Variants in MERTK observed in about 807,000 individuals in gnomAD.
MERTK encodes tyrosine-protein kinase Mer.
MERTK carries 69 observed loss-of-function variants against 99.3 expected under a neutral mutation model. That is an observed-to-expected ratio of 0.70 (90% CI 0.57 to 0.85). MERTK has a LOEUF of 0.85. MERTK is among the 40% of genes least tolerant of loss of function. The pLI is 0.00. For missense variants in MERTK, 1,125 were observed against 1,249.4 expected (o/e 0.90, Z 1.50); for synonymous variants, 426 against 467.6 (o/e 0.91, Z 1.15).
chr2:112,003,879 A>G, intron 12 of MERTK, 25 bp from the exon 13 acceptor site: 1 of 1,580,818 alleles, frequency 6.3e-7, no homozygotes, highest in Non-Finnish European at 8.7e-7. Flanking sequence ...CACAGTGTCC[A>G]TACAGGTGTT....
At chr2:111,968,953 G>A (rs1196811575) in intron 6 of MERTK, among the ~76,000 whole-genome samples, 6 of 152,218 alleles carry the variant, frequency 3.9e-5, no homozygotes, top group Non-Finnish European at 8.8e-5. Flanking sequence ...GAAGGGCCAG[G>A]ACAAGATAGG....
chr2:111,968,337 G>A (rs1031966299), intron 6 of MERTK, 85 bp downstream of exon 6: 5 of 1,088,108 alleles, frequency 4.6e-6, no homozygotes, highest in Non-Finnish European at 7.0e-6. Context: ...GGATGGGCAT[G>A]GAGGGCATTT....
At chr2:111,903,319 A>G (rs752880238) in intron 1 of MERTK, among the ~76,000 whole-genome samples, 6 of 152,126 alleles carry the variant, frequency 3.9e-5, no homozygotes, top group Admixed American at 3.3e-4. Flanking sequence ...ATGCCCTCAC[A>G]TTCGGGGCTT....
In MERTK at chr2:112,029,393, TGAAA is replaced by T; in HGVS notation, c.*532_*535del. The T allele has an allele frequency of 1.1e-6, 1 of 919,946 alleles. No individual in the cohort carries two copies. 57.0% of individuals were successfully genotyped at this position (919,946 alleles called of 1,614,324 possible). ...GGATATGTTGAACTTACTTGAGACT[TGAAA>T]GACAGTGGTCGGCAGCGGCCTTGTG... is the stretch of plus-strand genomic sequence containing the variant. On this transcript the variant is annotated 3_prime_UTR_variant, in exon 19 of 19. Transcript: ENST00000295408.
chr2:112,019,759 ACT>A (rs2104421997), intron 16 of MERTK, among the ~76,000 whole-genome samples: 1 of 151,720 alleles, frequency 6.6e-6, no homozygotes, highest in South Asian at 2.1e-4. Context: ...TTTTACCTTC[ACT>A]CTCTCACTCG....
chr2:111,969,227 C>T (rs968141970), intron 6 of MERTK, among the ~76,000 whole-genome samples: 2 of 152,158 alleles, frequency 1.3e-5, no homozygotes, highest in Non-Finnish European at 2.9e-5. Context: ...ACTTAACACA[C>T]GCTGCACTGC....
intron 1 of MERTK, among the ~76,000 whole-genome samples, chr2:111,910,729 C>T (rs1684230863): frequency 6.6e-6 from 1 of 151,594 alleles, no homozygotes; most frequent in African/African-American, 2.4e-5. Flanking sequence ...TTAAAACAAG[C>T]CAGAAACAAA....
At chr2:112,023,539 C>A (rs1031860301) in intron 18 of MERTK, among the ~76,000 whole-genome samples, 1 of 152,138 alleles carries the variant, frequency 6.6e-6, no homozygotes, top group African/African-American at 2.4e-5. Context: ...ACAGGGCCCC[C>A]GTCTTCAAGG....
At chr2:111,994,128 T>G in intron 8 of MERTK, 123 bp from the exon 9 acceptor site, 1 of 1,096,910 alleles carries the variant, frequency 9.1e-7, no homozygotes, top group African/African-American at 1.5e-5. Context: ...AGGAATGCTG[T>G]GGAAGTGTGG....
intron 5 of MERTK, 72 bp from the exon 6 acceptor site, chr2:111,968,065 T>C: frequency 1.8e-6 from 2 of 1,085,460 alleles, no homozygotes. Flanking sequence ...TGCATTTGTT[T>C]GGTAGCTGTA....
At chr2:111,965,708 A>ACC (rs1393587151) in intron 5 of MERTK, among the ~76,000 whole-genome samples, 1 of 151,906 alleles carries the variant, frequency 6.6e-6, no homozygotes, top group East Asian at 1.9e-4. Flanking sequence ...TAGGAAATGG[A>ACC]CCCTGTCCTT....
chr2:111,935,638 C>CTT (rs373801239), intron 2 of MERTK, among the ~76,000 whole-genome samples: 1 of 139,844 alleles, frequency 7.2e-6, no homozygotes, highest in Non-Finnish European at 1.5e-5. Context: ...GGTCTTGGCT[C>CTT]GTGTGTGTGT....
At chr2:111,956,947 CTT>C (rs71385850) in intron 4 of MERTK, among the ~76,000 whole-genome samples, 13 of 137,106 alleles carry the variant, frequency 9.5e-5, no homozygotes, top group Admixed American at 7.4e-5. Flanking sequence ...TTTCTTTTTT[CTT>C]TTTTTTTTTT....
intron 4 of MERTK, among the ~76,000 whole-genome samples, chr2:111,957,466 C>A (rs1382012474): frequency 1.3e-5 from 2 of 152,056 alleles, no homozygotes; most frequent in Non-Finnish European, 2.9e-5. Context: ...CCTCTGATAC[C>A]CCCCCGCCCA....
At chr2:111,967,641 C>T (rs1685384601) in intron 5 of MERTK, among the ~76,000 whole-genome samples, 1 of 152,132 alleles carries the variant, frequency 6.6e-6, no homozygotes, top group Admixed American at 6.5e-5. Context: ...TGCACACATA[C>T]ACATGCACAC....
chr2:112,008,165 T>A (rs954055614), intron 13 of MERTK, among the ~76,000 whole-genome samples: 30 of 152,190 alleles, frequency 2.0e-4, no homozygotes, highest in African/African-American at 6.7e-4. Context: ...TCATACAGAA[T>A]TATTTCTTGG....
At chr2:111,955,923 A>G (rs1685139377) in intron 4 of MERTK, among the ~76,000 whole-genome samples, 1 of 145,826 alleles carries the variant, frequency 6.9e-6, no homozygotes, top group South Asian at 2.3e-4. Context: ...AACAATGAGA[A>G]CACTTGGACA....
intron 1 of MERTK, among the ~76,000 whole-genome samples, chr2:111,921,111 A>G (rs1231062152): frequency 1.3e-5 from 2 of 152,180 alleles, no homozygotes; most frequent in Non-Finnish European, 2.9e-5. Context: ...TGCTCAGGAC[A>G]TGATTCAAAT....
intron 1 of MERTK, among the ~76,000 whole-genome samples, chr2:111,907,367 T>C (rs1684156275): frequency 6.6e-6 from 1 of 152,170 alleles, no homozygotes; most frequent in African/African-American, 2.4e-5. Flanking sequence ...TGAGCCGAGA[T>C]TGTGCCACTG....
Sources: gnomAD v4.1 joint callset for allele counts (sites outside exome capture counted in the v4.1 genomes callset) on GRCh38, gnomAD v4.1.1 for gene constraint, MANE v1.5 for transcripts, NCBI Gene and HGNC (gene_info 2026-07-23, HGNC 2026-07-21) for gene names.